Variants in MB21D2 observed in about 807,000 individuals in gnomAD.
The protein encoded by MB21D2 is nucleotidyltransferase MB21D2.
MB21D2 carries 9 observed loss-of-function variants against 33.3 expected under a neutral mutation model. The observed-to-expected ratio is 0.27, with a 90% CI of 0.16 to 0.47. The LOEUF is 0.47. MB21D2 is among the 20% of genes least tolerant of loss of function. The probability of loss-of-function intolerance (pLI) is 0.99; values close to 1 mark genes in which losing one functional copy is unlikely to be tolerated. For missense variants in MB21D2, 540 were observed against 624.6 expected (o/e 0.86, Z 1.44); for synonymous variants, 241 against 236.3 (o/e 1.02, Z -0.18).
chr3:192,812,390 C>T (rs1348091358), intron 1 of MB21D2, among the ~76,000 whole-genome samples: 2 of 152,072 alleles, frequency 1.3e-5, no homozygotes, highest in Non-Finnish European at 2.9e-5. Flanking sequence ...GTTTACCTGT[C>T]AGTGTCCCTC....
intron 1 of MB21D2, among the ~76,000 whole-genome samples, chr3:192,841,938 G>C (rs1027264678): frequency 2.0e-5 from 3 of 152,106 alleles, no homozygotes; most frequent in Admixed American, 2.0e-4. Context: ...CAGGCAGAGG[G>C]GTGAGAGGGT....
chr3:192,839,834 A>G (rs1712529150), intron 1 of MB21D2, among the ~76,000 whole-genome samples: 1 of 152,226 alleles, frequency 6.6e-6, no homozygotes, highest in Admixed American at 6.5e-5. Context: ...AGTATTTGAG[A>G]AAGTTCATTC....
intron 1 of MB21D2, among the ~76,000 whole-genome samples, chr3:192,826,977 C>T (rs1712186297): frequency 6.6e-6 from 1 of 151,858 alleles, no homozygotes; most frequent in Non-Finnish European, 1.5e-5. Context: ...CTGCAAGCTC[C>T]ACCTCCCAGG....
intron 1 of MB21D2, among the ~76,000 whole-genome samples, chr3:192,874,297 T>C (rs369001647): frequency 6.6e-6 from 1 of 152,166 alleles, no homozygotes; most frequent in Admixed American, 6.5e-5. Context: ...ATTTGTTGAA[T>C]GAATGGCTGA....
intron 1 of MB21D2, among the ~76,000 whole-genome samples, chr3:192,826,765 T>C (rs551511647): frequency 5.3e-5 from 8 of 152,244 alleles, no homozygotes; most frequent in Admixed American, 1.3e-4. Flanking sequence ...CTCCGGGTGG[T>C]TGGAGCACTT....
intron 1 of MB21D2, among the ~76,000 whole-genome samples, chr3:192,854,156 A>G (rs1712869392): frequency 6.6e-6 from 1 of 152,270 alleles, no homozygotes; most frequent in Non-Finnish European, 1.5e-5. Flanking sequence ...GAGCATGTCA[A>G]AAGCTGAGAT....
chr3:192,807,938 C>T (rs966451049), intron 1 of MB21D2, among the ~76,000 whole-genome samples: 3 of 151,760 alleles, frequency 2.0e-5, no homozygotes, highest in Non-Finnish European at 2.9e-5. Flanking sequence ...TTTTCATTCA[C>T]ACTAGATGAC....
At chr3:192,831,191 C>T (rs924114833) in intron 1 of MB21D2, among the ~76,000 whole-genome samples, 6 of 152,278 alleles carry the variant, frequency 3.9e-5, no homozygotes, top group Middle Eastern at 3.4e-3. Flanking sequence ...GTCACTATGT[C>T]GCAGCACTTC....
intron 1 of MB21D2, among the ~76,000 whole-genome samples, chr3:192,899,222 G>A (rs951524300): frequency 5.9e-5 from 9 of 152,188 alleles, no homozygotes; most frequent in Non-Finnish European, 1.2e-4. Context: ...CAAGAACCTT[G>A]TAGAACAGGC....
At chr3:192,878,119 A>C (rs1241908942) in intron 1 of MB21D2, among the ~76,000 whole-genome samples, 1 of 88,150 alleles carries the variant, frequency 1.1e-5, no homozygotes, top group Non-Finnish European at 2.0e-5. Context: ...TTTGTTTTTG[A>C]GACGGAGTCT....
chr3:192,818,237 A>G (rs905567645), intron 1 of MB21D2, among the ~76,000 whole-genome samples: 3 of 152,150 alleles, frequency 2.0e-5, no homozygotes, highest in African/African-American at 7.2e-5. Context: ...ATTCACCTGC[A>G]TCCCCCTGTG....
chr3:192,859,530 T>C (rs912234792), intron 1 of MB21D2, among the ~76,000 whole-genome samples: 69 of 152,202 alleles, frequency 4.5e-4, no homozygotes, highest in Non-Finnish European at 3.2e-4. Flanking sequence ...TGCCCTACCA[T>C]CTAACATCCT....
At chr3:192,855,908 A>T (rs1016388198) in intron 1 of MB21D2, among the ~76,000 whole-genome samples, 3 of 152,200 alleles carry the variant, frequency 2.0e-5, no homozygotes, top group African/African-American at 7.2e-5. Flanking sequence ...GCCCATCTCT[A>T]TTAAAAATAT....
chr3:192,861,037 T>C (rs1713030594), intron 1 of MB21D2, among the ~76,000 whole-genome samples: 1 of 152,196 alleles, frequency 6.6e-6, no homozygotes, highest in Admixed American at 6.5e-5. Flanking sequence ...CTCAGGCAAA[T>C]CACTGGACTT....
chr3:192,860,458 T>G (rs934613093), intron 1 of MB21D2, among the ~76,000 whole-genome samples: 2 of 152,230 alleles, frequency 1.3e-5, no homozygotes, highest in African/African-American at 4.8e-5. Flanking sequence ...AGGAGAAATG[T>G]CATTAGCATG....
intron 1 of MB21D2, among the ~76,000 whole-genome samples, chr3:192,853,803 A>C (rs1712857725): frequency 6.6e-6 from 1 of 152,186 alleles, no homozygotes; most frequent in African/African-American, 2.4e-5. Context: ...TTCCAACTGC[A>C]GGGTTCACAT....
At chr3:192,893,730 C>G (rs1050102160) in intron 1 of MB21D2, among the ~76,000 whole-genome samples, 1 of 152,258 alleles carries the variant, frequency 6.6e-6, no homozygotes, top group Non-Finnish European at 1.5e-5. Flanking sequence ...ATTCCCGTCC[C>G]CCACATCTTT....
At chr3:192,882,447 G>A (rs1037006430) in intron 1 of MB21D2, among the ~76,000 whole-genome samples, 1 of 152,068 alleles carries the variant, frequency 6.6e-6, no homozygotes, top group Non-Finnish European at 1.5e-5. Flanking sequence ...CTAAGGATAA[G>A]ACAAAACACT....
intron 1 of MB21D2, among the ~76,000 whole-genome samples, chr3:192,831,637 C>T (rs750797584): frequency 1.3e-5 from 2 of 152,124 alleles, no homozygotes; most frequent in African/African-American, 2.4e-5. Context: ...TGCACCGTTG[C>T]TTTACAAATC....
Sources: allele counts gnomAD v4.1 joint callset (sites outside exome capture counted in the v4.1 genomes callset), GRCh38; gene constraint gnomAD v4.1.1; transcripts MANE v1.5; gene names NCBI Gene and HGNC (gene_info 2026-07-23, HGNC 2026-07-21).